HECW2: variants seen among roughly 807,000 people sequenced by gnomAD.
The protein encoded by HECW2 is E3 ubiquitin-protein ligase HECW2.
HECW2 carries 61 observed loss-of-function variants against 175.2 expected under a neutral mutation model. That is an observed-to-expected ratio of 0.35 (90% CI 0.28 to 0.43). HECW2 has a LOEUF of 0.43. Ranked by LOEUF, HECW2 falls within the 20% of genes least tolerant of loss-of-function variation. HECW2 has a pLI of 1.00. For synonymous variants in HECW2, 671 were observed against 731.0 expected (o/e 0.92, Z 1.32); for missense variants, 1,524 against 2,000.5 (o/e 0.76, Z 4.54).
chr2:196,306,958 A>G (rs1398770742), intron 12 of HECW2, among the ~76,000 whole-genome samples, 172 bp downstream of exon 12: 1 of 152,234 alleles, frequency 6.6e-6, no homozygotes, highest in African/African-American at 2.4e-5. Flanking sequence ...TATATTAATT[A>G]AACATTGAGG....
chr2:196,376,635 TA>T (rs33989452), intron 2 of HECW2, among the ~76,000 whole-genome samples: 97,196 of 133,082 alleles, frequency 0.73, 37,012 homozygotes, highest in East Asian at 0.94. Flanking sequence ...GACTCTGTCA[TA>T]AAAAAAAAAA....
chr2:196,270,097 C>T (rs1689671867), intron 17 of HECW2, among the ~76,000 whole-genome samples: 1 of 152,158 alleles, frequency 6.6e-6, no homozygotes, highest in Admixed American at 6.5e-5. Context: ...ATGGTACCAC[C>T]AGGCAAATAT....
At chr2:196,491,537 T>C (rs963672978) in intron 1 of HECW2, among the ~76,000 whole-genome samples, 3 of 150,782 alleles carry the variant, frequency 2.0e-5, no homozygotes, top group Admixed American at 6.6e-5. Context: ...TATACACACA[T>C]ATATATGTAT....
At chr2:196,500,835 C>T (rs149944517) in intron 1 of HECW2, among the ~76,000 whole-genome samples, 1 of 152,300 alleles carries the variant, frequency 6.6e-6, no homozygotes, top group East Asian at 1.9e-4. Context: ...TCTTCCACCC[C>T]ATCTCTGTCA....
At chr2:196,265,548 A>G (rs1475301330) in intron 17 of HECW2, among the ~76,000 whole-genome samples, 1 of 152,102 alleles carries the variant, frequency 6.6e-6, no homozygotes, top group Non-Finnish European at 1.5e-5. Context: ...ATATCCACAG[A>G]ATCACACTGG....
chr2:196,452,226 AC>A (rs1696369386), intron 1 of HECW2, among the ~76,000 whole-genome samples: 1 of 152,240 alleles, frequency 6.6e-6, no homozygotes, highest in Non-Finnish European at 1.5e-5. Context: ...AAGAATTAGC[AC>A]AAAAAAATTA....
chr2:196,514,389 C>T (rs922093879), intron 1 of HECW2, among the ~76,000 whole-genome samples: 23 of 152,326 alleles, frequency 1.5e-4, no homozygotes, highest in African/African-American at 5.3e-4. Context: ...TCGGCACAGG[C>T]CTGTAGGCGC....
At position 196,222,328 on chromosome 2, in the gene HECW2, C is replaced by G. The variant is rs372810440; in HGVS notation, c.4029G>C (p.Leu1343=). ...YKALLRILCD[L]SDLEYLDEEF... is the part of the protein sequence containing the mutation. Reference sequence around the variant, plus strand: ...CTTCATCAAGGTATTCTAGGTCACTCAGGTCACATAGACTAAGATGACAAA... The same window carrying G: ...CTTCATCAAGGTATTCTAGGTCACTGAGGTCACATAGACTAAGATGACAAA... Residue 1343 remains leucine (L), a synonymous_variant, in exon 24 of 29, where the codon CTG becomes CTC. Coordinates refer to ENST00000644978, the MANE Select transcript of HECW2 (RefSeq NM_001348768.2). The G allele has an allele frequency of 6.2e-7, 1 of 1,613,366 alleles. No individual in the cohort carries two copies. Among genetic ancestry groups the G allele is most frequent in the African/African-American group, 1.3e-5 (1 of 74,894 alleles).
chr2:196,519,557 G>T (rs1027410590), intron 1 of HECW2, among the ~76,000 whole-genome samples: 2 of 152,056 alleles, frequency 1.3e-5, no homozygotes, highest in Admixed American at 1.3e-4. Flanking sequence ...AAAAAATTTT[G>T]TTCTTGCCTC....
rs141943972 is a variant in HECW2 at position 196,567,623 on chromosome 2, G to A, written c.-36+25885C>T. On this transcript the variant is annotated intron_variant, in intron 1 of 28. Transcript: ENST00000644978. ...CTAGGGAAAGTAGATGATGGAAAGC[G>A]CAGGAATTAGATATTTCTCTGATTC... is the stretch of plus-strand genomic sequence containing the variant. Among the ~76,000 whole-genome samples, 766 of 152,280 alleles carry A rather than the reference G, an allele frequency of 5.0e-3. 6 individuals carry two copies. Among genetic ancestry groups the A allele is most frequent in the Middle Eastern group, 0.014 (4 of 294 alleles).
At chr2:196,238,299 T>A (rs980611080) in intron 21 of HECW2, among the ~76,000 whole-genome samples, 1 of 152,060 alleles carries the variant, frequency 6.6e-6, no homozygotes, top group South Asian at 2.1e-4. Flanking sequence ...AATGGAAAAT[T>A]TGGGTCGCTC....
In HECW2 at chr2:196,333,962, C is replaced by G. The variant is rs145154193; in HGVS notation, c.495+462G>C. 1.6e-3 allele frequency among the ~76,000 whole-genome samples: 246 copies of G among 152,280 alleles called. 10 individuals carry two copies. The East Asian group carries it at 0.034, about 21-fold the overall frequency. The stretch of plus-strand genomic sequence containing the variant: ...TCCAAACTCAGCATTGAGAAGGAAC[C>G]AGCACTAAGACCTTAAGGAAAACAG... On this transcript the variant is annotated intron_variant, in intron 4 of 28. Coordinates refer to ENST00000644978, the MANE Select transcript of HECW2 (RefSeq NM_001348768.2).
chr2:196,267,578 G>A (rs748990272), intron 17 of HECW2, among the ~76,000 whole-genome samples: 22 of 152,102 alleles, frequency 1.4e-4, no homozygotes, highest in Middle Eastern at 3.4e-3. Flanking sequence ...TCACATTTGC[G>A]TGATAAATGA....
At chr2:196,212,851 G>C (rs1027905786) in intron 28 of HECW2, among the ~76,000 whole-genome samples, 1 of 152,146 alleles carries the variant, frequency 6.6e-6, no homozygotes, top group Admixed American at 6.5e-5. Context: ...AACCTTACCA[G>C]CATCTGTTAT....
intron 13 of HECW2, among the ~76,000 whole-genome samples, chr2:196,295,816 G>C (rs1182888313): frequency 6.6e-6 from 1 of 152,168 alleles, no homozygotes; most frequent in Non-Finnish European, 1.5e-5. Context: ...GAAATCTTAA[G>C]GCTGGTCTTA....
intron 1 of HECW2, among the ~76,000 whole-genome samples, chr2:196,577,711 C>G (rs1690610397): frequency 1.3e-5 from 2 of 152,166 alleles, no homozygotes; most frequent in African/African-American, 4.8e-5. Context: ...CCAACATGTA[C>G]ACAGAGCTCT....
intron 14 of HECW2, chr2:196,288,038 T>G (rs1690458399): frequency 6.6e-6 from 1 of 151,854 alleles, no homozygotes; most frequent in South Asian, 2.1e-4. Context: ...TTAGGGTACA[T>G]GTGCACAACG....
intron 3 of HECW2, among the ~76,000 whole-genome samples, chr2:196,334,934 C>T (rs1325229637): frequency 2.6e-5 from 4 of 152,070 alleles, no homozygotes; most frequent in Non-Finnish European, 1.5e-5. Flanking sequence ...GCAGGTCAGA[C>T]AGATAAGAAA....
chr2:196,366,368 T>C (rs1033851485), intron 2 of HECW2, among the ~76,000 whole-genome samples: 1 of 152,202 alleles, frequency 6.6e-6, no homozygotes, highest in Non-Finnish European at 1.5e-5. Context: ...TCATCTTCGG[T>C]GGACAAGGAA....
Sources: gnomAD v4.1 joint callset for allele counts (sites outside exome capture counted in the v4.1 genomes callset) on GRCh38, gnomAD v4.1.1 for gene constraint, MANE v1.5 for transcripts, NCBI Gene and HGNC (gene_info 2026-07-23, HGNC 2026-07-21) for gene names.